Variants in LVRN observed in about 807,000 individuals in gnomAD.
LVRN encodes aminopeptidase Q.
LVRN carries 99 observed loss-of-function variants against 111.4 expected under a neutral mutation model. That is an observed-to-expected ratio of 0.89 (90% CI 0.76 to 1.05). LVRN has a LOEUF of 1.05. Ranked by LOEUF, LVRN falls within the 50% of genes least tolerant of loss-of-function variation. The pLI is 0.00. For missense variants in LVRN, 1,414 were observed against 1,206.8 expected (o/e 1.17, Z -2.54); for synonymous variants, 488 against 449.5 (o/e 1.09, Z -1.08).
At chr5:116,020,791 G>A (rs1748711037) in intron 18 of LVRN, among the ~76,000 whole-genome samples, 1 of 152,202 alleles carries the variant, frequency 6.6e-6, no homozygotes, top group African/African-American at 2.4e-5. Flanking sequence ...CATGAAGGGA[G>A]GGGTAATGTG....
intron 13 of LVRN, among the ~76,000 whole-genome samples, chr5:116,008,440 A>T (rs1158210215): frequency 6.6e-6 from 1 of 152,176 alleles, no homozygotes; most frequent in Non-Finnish European, 1.5e-5. Flanking sequence ...TGAATCTTTC[A>T]CTTTAAATCA....
chr5:115,992,348 A>C, intron 5 of LVRN, 71 bp downstream of exon 5: 1 of 1,543,046 alleles, frequency 6.5e-7, no homozygotes, highest in Non-Finnish European at 8.9e-7. Context: ...ATAGCATAAA[A>C]ACCCCAGTAA....
intron 18 of LVRN, among the ~76,000 whole-genome samples, chr5:116,019,215 T>C (rs1748662663): frequency 6.6e-6 from 1 of 152,112 alleles, no homozygotes; most frequent in Non-Finnish European, 1.5e-5. Context: ...TTTAAACATA[T>C]CTAAACATAG....
intron 14 of LVRN, 40 bp from the exon 15 acceptor site, chr5:116,012,334 C>G: frequency 8.9e-7 from 1 of 1,121,918 alleles, no homozygotes; most frequent in Non-Finnish European, 1.3e-6. Flanking sequence ...TCAGTGTTTG[C>G]AAGCCAGAAC....
chr5:116,016,702 G>A (rs1748607857), intron 18 of LVRN, among the ~76,000 whole-genome samples: 1 of 152,176 alleles, frequency 6.6e-6, no homozygotes, highest in South Asian at 2.1e-4. Flanking sequence ...TTTCCATACA[G>A]TTTGACTACA....
chr5:115,989,065 C>T (rs1346401031), intron 4 of LVRN, among the ~76,000 whole-genome samples: 1 of 152,114 alleles, frequency 6.6e-6, no homozygotes, highest in African/African-American at 2.4e-5. Context: ...TCATCATCAT[C>T]TCCACCACAG....
intron 1 of LVRN, among the ~76,000 whole-genome samples, chr5:115,974,309 C>T (rs886675603): frequency 4.6e-5 from 7 of 152,182 alleles, no homozygotes; most frequent in African/African-American, 1.7e-4. Context: ...CACCTACCAA[C>T]TCTGAAGGTA....
rs1480621942 is a variant in LVRN, at chr5:116,003,299, G to A, written c.1956G>A (p.Leu652=). 1 of 1,569,702 alleles carries A rather than the reference G, an allele frequency of 6.4e-7. No homozygotes were observed. The highest frequency in any genetic ancestry group is 2.3e-5 in the East Asian group (1 of 44,134). Residue 652 remains leucine, a synonymous_variant, in exon 12 of 20, where the codon TTG becomes TTA. Coordinates refer to ENST00000357872, the MANE Select transcript of LVRN (RefSeq NM_173800.5). Reference sequence around the variant, plus strand: ...ACCATGACTGGGTGATTTTGAATTTGAATATGACTGGATATTATAGAGTTA... The same window carrying A: ...ACCATGACTGGGTGATTTTGAATTTAAATATGACTGGATATTATAGAGTTA... ...DSDHDWVILN[L]NMTGYYRVNY...
chr5:115,964,556 T>C (rs1329667159), intron 1 of LVRN, among the ~76,000 whole-genome samples: 1 of 151,576 alleles, frequency 6.6e-6, no homozygotes, highest in Non-Finnish European at 1.5e-5. Flanking sequence ...GGGTGCAAAA[T>C]ATTTCAGAGG....
chr5:115,997,237 G>A (rs1419708981), intron 6 of LVRN, among the ~76,000 whole-genome samples: 2 of 152,126 alleles, frequency 1.3e-5, no homozygotes, highest in Non-Finnish European at 2.9e-5. Context: ...GGTCTTTGAT[G>A]AGTCACATAA....
At chr5:115,968,009 A>T (rs917618617) in intron 1 of LVRN, among the ~76,000 whole-genome samples, 2 of 152,198 alleles carry the variant, frequency 1.3e-5, no homozygotes, top group African/African-American at 4.8e-5. Flanking sequence ...AATTGTCTAC[A>T]TAGATCATCA....
In LVRN at chr5:116,001,126, T is replaced by C; in HGVS notation, c.1707T>C (p.Ser569=). The stretch of plus-strand genomic sequence containing the variant: ...CAACAATAAAAAACATAATGGACAG[T>C]TGGACACACCAGAGTGGTTTTCCAG... ...LPATIKNIMD[S]WTHQSGFPVI... Residue 569 remains serine, a synonymous_variant, in exon 10 of 20, where the codon AGT becomes AGC. Coordinates refer to ENST00000357872, the MANE Select transcript of LVRN (RefSeq NM_173800.5). 5 of 1,613,694 alleles carry C rather than the reference T, an allele frequency of 3.1e-6. No individual in the cohort carries two copies. The highest frequency in any genetic ancestry group is 3.4e-6 in the Non-Finnish European group (4 of 1,179,912).
rs750394703 is a variant in LVRN at position 116,000,385 on chromosome 5, G to A, written c.1516-48G>A. The A allele has an allele frequency of 2.4e-5, 38 of 1,585,392 alleles. No individual in the cohort carries two copies. The South Asian group carries it at 4.2e-4, about 18-fold the overall frequency. On this transcript the variant is annotated intron_variant, in intron 7 of 19. Transcript: ENST00000357872. ...TTATAAATATGGAATGTGTCAGTATGTGGATATTGAATTTTGTTCAAATAA... is the reference window on the plus strand; with the variant it reads ...TTATAAATATGGAATGTGTCAGTATATGGATATTGAATTTTGTTCAAATAA...
chr5:116,003,257 G>T lies in LVRN; in HGVS notation c.1914G>T (p.Met638Ile), dbSNP rs1394961269. 3 of 1,579,012 alleles carry T rather than the reference G, an allele frequency of 1.9e-6. No individual in the cohort carries two copies. The African/African-American group carries it at 4.1e-5, about 22-fold the overall frequency. The change falls in exon 12 of 20, where the codon ATG (methionine) becomes ATT (isoleucine). Residue 638 changes from methionine to isoleucine, a missense_variant. Physicochemically the swap from Met to Ile is conservative, Grantham distance 10 (BLOSUM62 1). Transcript: ENST00000357872. ...LDQSSKVFPEMQVSDSDHDWV... is the reference protein window; with the variant it reads ...LDQSSKVFPEIQVSDSDHDWV... ...CCTTTATAGAAGTATTCCCAGAAAT[G>T]CAAGTTTCAGATTCTGACCATGACT...
At chr5:115,989,329 A>C (rs764514727) in intron 4 of LVRN, among the ~76,000 whole-genome samples, 82 of 151,986 alleles carry the variant, frequency 5.4e-4, no homozygotes, top group Non-Finnish European at 7.4e-5. Flanking sequence ...ACTCCTATGC[A>C]TTCACCTTCC....
chr5:115,972,817 T>C (rs1228636391), intron 1 of LVRN, among the ~76,000 whole-genome samples: 4 of 152,198 alleles, frequency 2.6e-5, no homozygotes, highest in Admixed American at 6.5e-5. Context: ...GGAATGGATG[T>C]CATATTTTAT....
chr5:116,002,676 C>T (rs1748261359), intron 10 of LVRN, among the ~76,000 whole-genome samples, 159 bp from the exon 11 acceptor site: 1 of 152,162 alleles, frequency 6.6e-6, no homozygotes, highest in African/African-American at 2.4e-5. Flanking sequence ...CTTGTAAAAA[C>T]AGTGGTGAGT....
In LVRN at chr5:116,015,734, T is replaced by G. The variant is rs1320407013; in HGVS notation, c.2725T>G (p.Leu909Val). The change falls in exon 18 of 20, where the codon TTA (leucine) becomes GTA (valine). Residue 909 changes from leucine (L) to valine (V), a missense_variant. Coordinates refer to ENST00000357872, the MANE Select transcript of LVRN (RefSeq NM_173800.5). ...TGGCCGGTATGTCGCAAAAGACTTC[T>G]TAGTCAACAACTGGCAAGCTGTGAG... is the stretch of plus-strand genomic sequence containing the variant. Reference protein sequence around the residue: ...EVGRYVAKDFLVNNWQAVSKR... With the variant: ...EVGRYVAKDFVVNNWQAVSKR... 1 of 1,613,516 alleles carries G rather than the reference T, an allele frequency of 6.2e-7. No individual in the cohort carries two copies. Among genetic ancestry groups the G allele is most frequent in the Non-Finnish European group, 8.5e-7 (1 of 1,179,618 alleles).
chr5:116,020,894 A>T (rs1748714502), intron 18 of LVRN: 1 of 152,200 alleles, frequency 6.6e-6, no homozygotes, highest in African/African-American at 2.4e-5. Context: ...TTTAGAAAGG[A>T]TTACTATATT....
Sources: allele counts gnomAD v4.1 joint callset (sites outside exome capture counted in the v4.1 genomes callset), GRCh38; gene constraint gnomAD v4.1.1; transcripts MANE v1.5; gene names NCBI Gene and HGNC (gene_info 2026-07-23, HGNC 2026-07-21).